The following JAM3 variants were observed in gnomAD, a reference collection of about 807,000 sequenced individuals.
JAM3 encodes junctional adhesion molecule C.
Under a neutral mutation model 39.4 loss-of-function variants are expected in JAM3, and 31 were observed. The observed-to-expected ratio is 0.79, with a 90% CI of 0.59 to 1.06. The LOEUF (loss-of-function observed/expected upper bound fraction) is 1.06, where lower values mean the gene tolerates loss of function less well. JAM3 is among the 50% of genes least tolerant of loss of function. The pLI is 0.00. For missense variants in JAM3, 455 were observed against 391.4 expected, an observed-to-expected ratio of 1.16 and a Z score of -1.37; for synonymous variants, 182 against 148.7, an observed-to-expected ratio of 1.22 and a Z score of -1.63.
At chr11:134,134,737 T>G (rs1048252412) in intron 1 of JAM3, among the ~76,000 whole-genome samples, 1 of 152,194 alleles carries the variant, frequency 6.6e-6, no homozygotes, top group Admixed American at 6.5e-5. Flanking sequence ...CTCATTGTGG[T>G]TTAGATTTAA....
Position 134,127,269 on chromosome 11 carries a change from G to A in JAM3, c.77-12582G>A, listed in dbSNP as rs1372279570. ...AATTGGAAATGATACCACTTGCTCT[G>A]ACTGTCTTGAAGAGTGACCCTAAGG... On this transcript the variant is annotated intron_variant, in intron 1 of 8. Coordinates refer to ENST00000299106, the MANE Select transcript of JAM3 (RefSeq NM_032801.5). 2.6e-5 allele frequency among the ~76,000 whole-genome samples: 4 copies of A among 152,224 alleles called. No homozygotes were observed. The South Asian group carries it at 8.3e-4, about 32-fold the overall frequency.
At position 134,148,662 on chromosome 11, in the gene JAM3, A is replaced by C; in HGVS notation, c.828A>C (p.Lys276Asn). 1 of 1,614,130 alleles carries C rather than the reference A, an allele frequency of 6.2e-7. No individual in the cohort carries two copies. The highest frequency in any genetic ancestry group is 8.5e-7 in the Non-Finnish European group (1 of 1,180,026). ...GACGTGGCTACTTCATCAACAATAAACAGGATGGAGAAAGGTGAGCCTGCC... is the reference window on the plus strand; with the variant it reads ...GACGTGGCTACTTCATCAACAATAACCAGGATGGAGAAAGGTGAGCCTGCC... ...AYRRGYFINN[K>N]QDGESYKNPG... Residue 276 changes from lysine (K) to asparagine (N), a missense_variant, in exon 7 of 9, where the codon AAA (lysine) becomes AAC (asparagine). Transcript: ENST00000299106.
At chr11:134,070,973 C>T (rs1009863521) in intron 1 of JAM3, among the ~76,000 whole-genome samples, 2 of 152,088 alleles carry the variant, frequency 1.3e-5, no homozygotes, top group Non-Finnish European at 2.9e-5. Context: ...ACTTTGAAGG[C>T]GTGTAGCTAT....
intron 1 of JAM3, among the ~76,000 whole-genome samples, chr11:134,094,347 A>G (rs1941935328): frequency 1.4e-5 from 2 of 138,936 alleles, no homozygotes; most frequent in Non-Finnish European, 1.5e-5. Flanking sequence ...ATCATGTTCC[A>G]TCTTACATGT....
intron 1 of JAM3, chr11:134,123,948 A>C (rs1224286574): frequency 2.7e-6 from 4 of 1,484,328 alleles, no homozygotes; most frequent in Non-Finnish European, 3.8e-6. Context: ...TATAAACTGA[A>C]CTGCATCTTC....
chr11:134,145,292 G>A lies in JAM3; in HGVS notation c.612+298G>A, dbSNP rs559031488. 371 of 487,754 alleles carry A rather than the reference G, an allele frequency of 7.6e-4. 4 individuals carry two copies. The highest frequency in any genetic ancestry group is 7.5e-3 in the South Asian group (355 of 47,444). 30.2% of individuals were successfully genotyped at this position (487,754 alleles called of 1,614,324 possible). ...AACTGTAAAAGTCATTAGACAATCGGGGAAATTGGATTACTAGGTGGTATT... is the reference window on the plus strand; with the variant it reads ...AACTGTAAAAGTCATTAGACAATCGAGGAAATTGGATTACTAGGTGGTATT... On this transcript the variant is annotated intron_variant, in intron 5 of 8. Transcript: ENST00000299106.
chr11:134,110,810 T>A (rs1396011664), intron 1 of JAM3, among the ~76,000 whole-genome samples: 2 of 152,140 alleles, frequency 1.3e-5, no homozygotes, highest in East Asian at 3.9e-4. Flanking sequence ...TTTATCGAAT[T>A]ATATGGTATA....
intron 1 of JAM3, among the ~76,000 whole-genome samples, chr11:134,081,614 T>G (rs1006045007): frequency 6.6e-6 from 1 of 152,136 alleles, no homozygotes; most frequent in Non-Finnish European, 1.5e-5. Context: ...TTTCAGAGGA[T>G]GTATGAAAAT....
chr11:134,148,908 T>C (rs889654202), intron 8 of JAM3, 90 bp downstream of exon 8: 3 of 1,357,762 alleles, frequency 2.2e-6, no homozygotes, highest in African/African-American at 1.4e-5. Flanking sequence ...CCTGGGAAGA[T>C]TTCTGAGTGA....
intron 1 of JAM3, among the ~76,000 whole-genome samples, chr11:134,121,209 A>G (rs1221642738): frequency 2.0e-5 from 3 of 152,184 alleles, no homozygotes; most frequent in Non-Finnish European, 4.4e-5. Flanking sequence ...AAGCGAAGTG[A>G]TTGTCATATA....
At chr11:134,138,769 T>C (rs1016283495) in intron 1 of JAM3, among the ~76,000 whole-genome samples, 3 of 152,256 alleles carry the variant, frequency 2.0e-5, no homozygotes, top group African/African-American at 7.2e-5. Flanking sequence ...TATATTACAC[T>C]TCTGTTTTCC....
chr11:134,135,671 G>T (rs368158275), intron 1 of JAM3, among the ~76,000 whole-genome samples: 3 of 151,544 alleles, frequency 2.0e-5, no homozygotes, highest in African/African-American at 7.3e-5. Context: ...CTGAGTAGCT[G>T]GGATTACAGG....
In JAM3 at chr11:134,069,581, G is replaced by T. The variant is rs572510976; in HGVS notation, c.76+422G>T. ...TCCCCCGGGTGGGCTCCTCCCAGGC[G>T]GGGTCCTGTGCTGGGCGGTGGGCTC... On this transcript the variant is annotated intron_variant, in intron 1 of 8. Transcript: ENST00000299106. 8.4e-4 allele frequency among the ~76,000 whole-genome samples: 128 copies of T among 151,928 alleles called. 1 individual carries two copies. The highest frequency in any genetic ancestry group is 2.9e-3 in the African/African-American group (122 of 41,372).
intron 1 of JAM3, among the ~76,000 whole-genome samples, chr11:134,137,346 G>A (rs890203426): frequency 6.6e-6 from 1 of 152,126 alleles, no homozygotes; most frequent in African/African-American, 2.4e-5. Context: ...ACCAACTCTA[G>A]TATTTCCACC....
intron 1 of JAM3, among the ~76,000 whole-genome samples, chr11:134,107,084 A>C (rs1235281288): frequency 1.2e-4 from 19 of 152,238 alleles, no homozygotes; most frequent in Non-Finnish European, 2.9e-5. Flanking sequence ...AACCAACCCA[A>C]ATGTCCATCA....
chr11:134,102,540 A>G (rs1942095586), intron 1 of JAM3, among the ~76,000 whole-genome samples: 2 of 152,208 alleles, frequency 1.3e-5, no homozygotes, highest in African/African-American at 4.8e-5. Flanking sequence ...TTGAGAGAAG[A>G]AGGCTTCAGA....
chr11:134,077,075 T>C (rs1371189000), intron 1 of JAM3, among the ~76,000 whole-genome samples: 8 of 152,080 alleles, frequency 5.3e-5, no homozygotes, highest in Admixed American at 2.0e-4. Context: ...CCTTAGGTGA[T>C]CTGCCCACCT....
intron 1 of JAM3, among the ~76,000 whole-genome samples, chr11:134,090,433 A>G (rs1051921089): frequency 5.3e-5 from 8 of 152,210 alleles, no homozygotes; most frequent in Non-Finnish European, 1.0e-4. Context: ...GTTTTTTTCA[A>G]TATATGGAAA....
At chr11:134,085,285 AAAG>A (rs1941729956) in intron 1 of JAM3, among the ~76,000 whole-genome samples, 2 of 152,348 alleles carry the variant, frequency 1.3e-5, no homozygotes, top group South Asian at 4.2e-4. Flanking sequence ...TATGAAGTAG[AAAG>A]AAACCATTCC....
Sources: gnomAD v4.1 joint callset for allele counts (sites outside exome capture counted in the v4.1 genomes callset) on GRCh38, gnomAD v4.1.1 for gene constraint, MANE v1.5 for transcripts, NCBI Gene and HGNC (gene_info 2026-07-23, HGNC 2026-07-21) for gene names.